TRPC1: variants seen among roughly 807,000 people sequenced by gnomAD.
TRPC1 encodes transient receptor potential cation channel subfamily C member 1, also known as short transient receptor potential channel 1.
In TRPC1, 42 loss-of-function variants were observed where a neutral mutation model predicts 88.2. The ratio of observed to expected loss-of-function variants is 0.48; its 90% CI spans 0.37 to 0.62. The LOEUF is 0.62. Ranked by LOEUF, TRPC1 falls within the 20% of genes least tolerant of loss-of-function variation. TRPC1 has a pLI of 0.00. For synonymous variants in TRPC1, 288 were observed against 331.8 expected, an observed-to-expected ratio of 0.87 and a Z score of 1.43; for missense variants, 699 against 957.3, an observed-to-expected ratio of 0.73 and a Z score of 3.56.
At chr3:142,798,255 TTAAC>T (rs1162749768) in intron 9 of TRPC1, among the ~76,000 whole-genome samples, 3 of 152,150 alleles carry the variant, frequency 2.0e-5, no homozygotes, top group African/African-American at 4.8e-5. Context: ...TTGGTGTTAA[TTAAC>T]TAAGTTAATT....
At chr3:142,743,979 G>A (rs1382927355) in intron 3 of TRPC1, among the ~76,000 whole-genome samples, 2 of 152,010 alleles carry the variant, frequency 1.3e-5, no homozygotes, top group African/African-American at 4.8e-5. Context: ...TAAAAGCAAT[G>A]GACAGAAATC....
chr3:142,740,700 G>A (rs995027786), intron 2 of TRPC1, among the ~76,000 whole-genome samples: 4 of 152,098 alleles, frequency 2.6e-5, no homozygotes, highest in Non-Finnish European at 5.9e-5. Context: ...AAAATTAGAA[G>A]GTAGAAAAAG....
intron 7 of TRPC1, among the ~76,000 whole-genome samples, chr3:142,788,824 T>C (rs994558746): frequency 3.4e-4 from 52 of 152,170 alleles, no homozygotes; most frequent in Non-Finnish European, 7.5e-4. Context: ...AGTTTCAACT[T>C]ACTATGTTCT....
At chr3:142,779,677 C>A (rs895051335) in intron 5 of TRPC1, among the ~76,000 whole-genome samples, 1 of 151,938 alleles carries the variant, frequency 6.6e-6, no homozygotes, top group Non-Finnish European at 1.5e-5. Context: ...CCTGGAAAGC[C>A]CCATTATATA....
intron 4 of TRPC1, among the ~76,000 whole-genome samples, chr3:142,754,345 AC>A (rs901676045): frequency 6.6e-6 from 1 of 152,086 alleles, no homozygotes; most frequent in African/African-American, 2.4e-5. Context: ...ATTTAAAAAA[AC>A]TTGAGAAACA....
intron 9 of TRPC1, among the ~76,000 whole-genome samples, chr3:142,796,551 TA>T (rs1261577517): frequency 6.6e-6 from 1 of 152,044 alleles, no homozygotes; most frequent in Non-Finnish European, 1.5e-5. Flanking sequence ...TTTATTCTTG[TA>T]GCTTAGTACA....
In TRPC1 at chr3:142,767,456, T is replaced by C. The variant is rs115618562; in HGVS notation, c.633-10176T>C. On this transcript the variant is annotated intron_variant, in intron 4 of 12. Transcript: ENST00000476941. This position sits in a 1 kb window ranked among gnomAD's most constrained non-coding sequence, Gnocchi z 5.1. ...ACAGAGTATTTTAAAACTTGCTGTT[T>C]TACTTTCACATATCAGGGAGTTTCC... Among the ~76,000 whole-genome samples the C allele has an allele frequency of 9.7e-3, 1,466 of 151,492 alleles. 35 individuals are homozygous for C. Among genetic ancestry groups the C allele is most frequent in the East Asian group, 0.09 (465 of 5,186 alleles).
chr3:142,795,063 C>G (rs1401771127), intron 9 of TRPC1, among the ~76,000 whole-genome samples: 1 of 152,046 alleles, frequency 6.6e-6, no homozygotes, highest in Non-Finnish European at 1.5e-5. Context: ...GAAATTTTCA[C>G]TGTGACCTGA....
At chr3:142,804,407 G>T in intron 11 of TRPC1, 29 bp from the exon 12 acceptor site, 1 of 1,573,366 alleles carries the variant, frequency 6.4e-7, no homozygotes, top group Non-Finnish European at 8.6e-7. Flanking sequence ...TAATATTCTA[G>T]TTTGCTTTTT....
chr3:142,742,409 G>C (rs1318861251), intron 2 of TRPC1, among the ~76,000 whole-genome samples: 1 of 152,046 alleles, frequency 6.6e-6, no homozygotes, highest in Non-Finnish European at 1.5e-5. Context: ...GGAAAACATA[G>C]GTGATTCCTA....
rs894284515 is a variant in TRPC1, at chr3:142,724,901, T to C, written c.172+170T>C. Among the ~76,000 whole-genome samples the C allele has an allele frequency of 1.3e-5, 2 of 152,048 alleles. No individual in the cohort carries two copies. Among genetic ancestry groups the C allele is most frequent in the Non-Finnish European group, 2.9e-5 (2 of 68,006 alleles). ...CTCCTCACCGCCTCTGCCCTGTGAG[T>C]GTGGAGCTGGCGGGAGAGTGGAGCT... On this transcript the variant is annotated intron_variant, in intron 1 of 12. Coordinates refer to ENST00000476941, the MANE Select transcript of TRPC1 (RefSeq NM_001251845.2). This position sits in a 1 kb window ranked among gnomAD's most constrained non-coding sequence, Gnocchi z 5.6.
chr3:142,800,365 G>C (rs114877533), intron 9 of TRPC1, among the ~76,000 whole-genome samples: 3 of 152,148 alleles, frequency 2.0e-5, no homozygotes, highest in African/African-American at 7.2e-5. Flanking sequence ...CTATGGCAGA[G>C]TCTGGGTTAC....
intron 7 of TRPC1, among the ~76,000 whole-genome samples, chr3:142,787,926 T>G (rs960789129): frequency 3.3e-5 from 5 of 152,060 alleles, no homozygotes; most frequent in African/African-American, 1.2e-4. Context: ...TAGGCTGAGA[T>G]AAAAGCACAT....
intron 4 of TRPC1, among the ~76,000 whole-genome samples, chr3:142,769,778 T>A (rs1299537968): frequency 1.3e-5 from 2 of 152,184 alleles, no homozygotes; most frequent in African/African-American, 4.8e-5. Flanking sequence ...ATTGACTTTT[T>A]TTCCCTTATG....
intron 4 of TRPC1, among the ~76,000 whole-genome samples, chr3:142,773,922 G>A (rs942714632): frequency 4.0e-5 from 6 of 151,406 alleles, no homozygotes; most frequent in African/African-American, 9.7e-5. Flanking sequence ...TAGCAACTCT[G>A]CATACTTTTT....
At chr3:142,756,176 G>A (rs1455765907) in intron 4 of TRPC1, among the ~76,000 whole-genome samples, 1 of 152,250 alleles carries the variant, frequency 6.6e-6, no homozygotes, top group African/African-American at 2.4e-5. Context: ...CAACATTTGA[G>A]TTGTTTCCAG....
Position 142,806,301 on chromosome 3 carries a change from T to TG in TRPC1, c.*67dup, listed in dbSNP as rs1284028234. 1.6e-6 allele frequency: 2 copies of TG among 1,215,982 alleles called. No homozygotes were observed. The highest frequency in any genetic ancestry group is 2.3e-6 in the Non-Finnish European group (2 of 867,650). The allele number at this position is 1,215,982 out of a possible 1,614,324, so 75.3% of individuals were successfully genotyped here. Reference sequence around the variant, plus strand: ...ATCCAAAAGACTATATTGCATAACTTGCAATGAAATTAATGAGATATATAT... The same window carrying TG: ...ATCCAAAAGACTATATTGCATAACTTGGCAATGAAATTAATGAGATATATAT... On this transcript the variant is annotated 3_prime_UTR_variant, in exon 13 of 13. Coordinates refer to ENST00000476941, the MANE Select transcript of TRPC1 (RefSeq NM_001251845.2).
intron 9 of TRPC1, among the ~76,000 whole-genome samples, chr3:142,797,825 T>C (rs1936499867): frequency 6.6e-6 from 1 of 152,158 alleles, no homozygotes; most frequent in African/African-American, 2.4e-5. Context: ...AAAAATAATA[T>C]AAGAAAACTT....
chr3:142,777,544 A>T, intron 4 of TRPC1, 88 bp from the exon 5 acceptor site: 1 of 773,900 alleles, frequency 1.3e-6, no homozygotes, highest in Non-Finnish European at 1.8e-6. Context: ...ATAATATTTT[A>T]AGTATACATT....
Sources: allele counts gnomAD v4.1 joint callset (sites outside exome capture counted in the v4.1 genomes callset), GRCh38; gene constraint gnomAD v4.1.1; non-coding constraint Gnocchi (gnomAD v3.1); transcripts MANE v1.5; gene names NCBI Gene and HGNC (gene_info 2026-07-23, HGNC 2026-07-21).